The following GCNA variants were observed in gnomAD, a reference collection of about 807,000 sequenced individuals.
GCNA encodes the protein germ cell nuclear acidic peptidase.
In GCNA, 3 loss-of-function variants were observed where a neutral mutation model predicts 38.8. The ratio of observed to expected loss-of-function variants is 0.08; its 90% CI spans 0.04 to 0.20. The LOEUF (loss-of-function observed/expected upper bound fraction) is 0.20. GCNA is among the 10% of genes least tolerant of loss of function. The probability of loss-of-function intolerance (pLI) is 1.00; values close to 1 mark genes in which losing one functional copy is unlikely to be tolerated. For missense variants in GCNA, 446 were observed against 578.6 expected (o/e 0.77, Z 2.35); for synonymous variants, 195 against 240.2 (o/e 0.81, Z 1.74).
chrX:71,605,369 C>T (rs778585897), intron 8 of GCNA, among the ~76,000 whole-genome samples: 13 of 112,617 alleles, frequency 1.2e-4, no homozygotes, highest in Non-Finnish European at 2.4e-4. Flanking sequence ...CGACTGTGCA[C>T]GCTTCAGTTG....
In GCNA at chrX:71,605,695, C is replaced by G; in HGVS notation, c.1432C>G (p.Pro478Ala). Residue 478 changes from proline to alanine, a missense_variant, in exon 9 of 13, where the codon CCC becomes GCC. This residue lies in a region of GCNA where 160 missense variants were observed against 165.2 expected (regional missense o/e 0.97). Transcript: ENST00000373696. ...GAAGCGTGGGCCTTCAAAGAAGAAA[C>G]CCGGTGCAGCAAAAGTTGAAAAACG... ...HKKRGPSKKK[P>A]GAAKVEKRKT... 8.3e-7 allele frequency: 1 copy of G among 1,208,296 alleles called. No individual in the cohort carries two copies. Among genetic ancestry groups the G allele is most frequent in the Admixed American group, 2.2e-5 (1 of 45,687 alleles).
At chrX:71,605,918 T>G (rs188694273) in intron 9 of GCNA, among the ~76,000 whole-genome samples, 189 bp downstream of exon 9, 23 of 111,910 alleles carry the variant, frequency 2.1e-4, no homozygotes, top group African/African-American at 7.5e-4. Flanking sequence ...ACTGGCTCCT[T>G]CCTCCCTTCT....
At chrX:71,579,495 C>T (rs1422083177) in intron 1 of GCNA, among the ~76,000 whole-genome samples, 3 of 60,521 alleles carry the variant, frequency 5.0e-5, no homozygotes, top group Non-Finnish European at 9.0e-5. Context: ...TGCTGGTGGG[C>T]GTGGGGAGAA....
rs2040790013 is a variant in GCNA, at chrX:71,609,044, A to T, written c.1538A>T (p.Asn513Ile). 8.3e-7 allele frequency: 1 copy of T among 1,211,196 alleles called. No individual in the cohort carries two copies. The highest frequency in any genetic ancestry group is 1.8e-5 in the South Asian group (1 of 56,912). ...AAGTCAAAGAAATACTCTGGAAAAA[A>T]TTTAAAGCGAAATAAGGATGAATTG... ...LEKSKKYSGK[N>I]LKRNKDELVQ... The change falls in exon 10 of 13, where the codon AAT becomes ATT. Residue 513 changes from asparagine to isoleucine, a missense_variant. Transcript: ENST00000373696.
At chrX:71,580,682 G>A (rs990567372) in intron 1 of GCNA, 138 bp from the exon 2 acceptor site, 2 of 496,584 alleles carry the variant, frequency 4.0e-6, no homozygotes, top group African/African-American at 2.4e-5. Context: ...CACCGTGTTA[G>A]CCAGGATGGT....
intron 2 of GCNA, among the ~76,000 whole-genome samples, chrX:71,584,737 A>G (rs1179664631): frequency 3.6e-5 from 4 of 110,080 alleles, no homozygotes; most frequent in Non-Finnish European, 7.6e-5. Flanking sequence ...GCGTGGTGGC[A>G]GGCACCTGTA....
Position 71,604,585 on chromosome X carries a change from G to A in GCNA, c.1308G>A (p.Glu436=), listed in dbSNP as rs758620585. The change falls in exon 8 of 13, where the codon GAG becomes GAA. Residue 436 remains glutamate (E), a synonymous_variant. Transcript: ENST00000373696. ...AGACAAAGACCAAAAATATAGTGGAGCCACCAAGGAAAAGGCAGACAAAGA... is the reference window on the plus strand; with the variant it reads ...AGACAAAGACCAAAAATATAGTGGAACCACCAAGGAAAAGGCAGACAAAGA... ...KRQTKTKNIV[E]PPRKRQTKTK... is the part of the protein sequence containing the mutation. 8 of 1,197,567 alleles carry A rather than the reference G, an allele frequency of 6.7e-6. No individual in the cohort carries two copies. In the South Asian group the frequency reaches 1.1e-4, roughly 16 times the overall value.
intron 2 of GCNA, among the ~76,000 whole-genome samples, chrX:71,591,269 AGGT>A (rs1333647095): frequency 9.0e-6 from 1 of 111,137 alleles, no homozygotes; most frequent in Non-Finnish European, 1.9e-5. Flanking sequence ...GCTTCACCTC[AGGT>A]GGTGCTGCAT....
At chrX:71,612,298 A>AG in intron 11 of GCNA, 57 bp from the exon 12 acceptor site, 1 of 799,770 alleles carries the variant, frequency 1.3e-6, no homozygotes, top group Non-Finnish European at 1.7e-6. Context: ...AAAAAAAAAA[A>AG]AAAAAAAAAA....
chrX:71,580,991 GGTTT>G, intron 2 of GCNA, 111 bp downstream of exon 2: 4 of 747,098 alleles, frequency 5.4e-6, no homozygotes, highest in Non-Finnish European at 7.6e-6. Context: ...CGTATAACTT[GGTTT>G]GTTATAAAAT....
Position 71,613,205 on chromosome X carries a change from T to A in GCNA, c.*223T>A. ...AGGAATATTAGAATTTAGGTACTGT[T>A]AAGTAAGTAATGTTAGAATTTAAGA... On this transcript the variant is annotated 3_prime_UTR_variant, in exon 13 of 13. Transcript: ENST00000373696. 2.6e-6 allele frequency: 1 copy of A among 391,617 alleles called. No homozygotes were observed. The highest frequency in any genetic ancestry group is 5.3e-5 in the South Asian group (1 of 18,725). The allele number at this position is 391,617 out of a possible 1,213,427, so 32.3% of individuals were successfully genotyped here.
intron 7 of GCNA, among the ~76,000 whole-genome samples, chrX:71,599,107 T>C (rs1055165567): frequency 2.0e-4 from 22 of 109,939 alleles, no homozygotes; most frequent in African/African-American, 5.0e-4. Context: ...TCTGCTTGCC[T>C]TGGCCTCCCA....
Position 71,605,673 on chromosome X carries a change from G to A in GCNA, c.1410G>A (p.Lys470=). ...TTTCATCTGGTAAAGGACATAAGAAGCGTGGGCCTTCAAAGAAGAAACCCG... is the reference window on the plus strand; with the variant it reads ...TTTCATCTGGTAAAGGACATAAGAAACGTGGGCCTTCAAAGAAGAAACCCG... ...KNVSVTPGHK[K]RGPSKKKPGA... Residue 470 remains lysine (K), a synonymous_variant, in exon 9 of 13, where the codon AAG becomes AAA. Coordinates refer to ENST00000373696, the MANE Select transcript of GCNA (RefSeq NM_052957.5). 1 of 1,209,642 alleles carries A rather than the reference G, an allele frequency of 8.3e-7. No homozygotes were observed. Among genetic ancestry groups the A allele is most frequent in the Non-Finnish European group, 1.1e-6 (1 of 893,923 alleles).
intron 2 of GCNA, among the ~76,000 whole-genome samples, chrX:71,590,309 C>T (rs1482774867): frequency 1.8e-5 from 2 of 111,538 alleles, no homozygotes; most frequent in Admixed American, 9.6e-5. Context: ...AACTTTTTGC[C>T]TCATGTTGAT....
chrX:71,590,884 T>C (rs2040622657), intron 2 of GCNA, among the ~76,000 whole-genome samples: 4 of 110,727 alleles, frequency 3.6e-5, no homozygotes, highest in Non-Finnish European at 7.6e-5. Context: ...GGTTTCACCA[T>C]GTTGGTCAGG....
intron 4 of GCNA, among the ~76,000 whole-genome samples, chrX:71,594,026 A>G (rs1449460015): frequency 9.0e-6 from 1 of 111,083 alleles, no homozygotes. Flanking sequence ...TCTCTTTCAT[A>G]CCTTTAAATA....
At chrX:71,601,036 C>T (rs972477262) in intron 7 of GCNA, among the ~76,000 whole-genome samples, 1 of 111,808 alleles carries the variant, frequency 8.9e-6, no homozygotes, top group South Asian at 3.8e-4. Flanking sequence ...CAATTGTTTT[C>T]ATTTTTAGAC....
chrX:71,610,927 C>A, intron 11 of GCNA, 108 bp downstream of exon 11: 1 of 1,062,503 alleles, frequency 9.4e-7, no homozygotes, highest in South Asian at 2.2e-5. Context: ...AACTGTCATT[C>A]TTGGGTGGGC....
At chrX:71,589,262 A>G (rs1194893864) in intron 2 of GCNA, among the ~76,000 whole-genome samples, 1 of 105,624 alleles carries the variant, frequency 9.5e-6, no homozygotes, top group African/African-American at 3.4e-5. Context: ...TCTTCCTTCA[A>G]TGCATATATT....
Sources: allele counts gnomAD v4.1 joint callset (sites outside exome capture counted in the v4.1 genomes callset), GRCh38; gene constraint gnomAD v4.1.1; regional missense constraint gnomAD v4.1.1; transcripts MANE v1.5; gene names NCBI Gene and HGNC (gene_info 2026-07-23, HGNC 2026-07-21).